ALG9: variants seen among roughly 807,000 people sequenced by gnomAD.
The protein encoded by ALG9 is ALG9 alpha-1,2-mannosyltransferase, also known as alpha-1,2-mannosyltransferase ALG9.
ALG9 carries 55 observed loss-of-function variants against 81.8 expected under a neutral mutation model. The observed-to-expected ratio is 0.67, with a 90% CI of 0.54 to 0.84. The LOEUF (loss-of-function observed/expected upper bound fraction) is 0.84. Ranked by LOEUF, ALG9 falls within the 40% of genes least tolerant of loss-of-function variation. The pLI is 0.00. For missense variants in ALG9, 629 were observed against 745.0 expected, an observed-to-expected ratio of 0.84 and a Z score of 1.81; for synonymous variants, 278 against 274.3, an observed-to-expected ratio of 1.01 and a Z score of -0.13.
rs190400504 is a variant in ALG9, at chr11:111,837,833, G to A, written c.1325-218C>T. Among the ~76,000 whole-genome samples, 86 of 152,206 alleles carry A rather than the reference G, an allele frequency of 5.7e-4. 1 individual carries two copies. The highest frequency in any genetic ancestry group is 1.9e-3 in the African/African-American group (80 of 41,514). On this transcript the variant is annotated intron_variant, in intron 11 of 14. Coordinates refer to ENST00000616540, the MANE Select transcript of ALG9 (RefSeq NM_024740.2). ...GGCCCTATTCTGCAAAAAATAATTG[G>A]CTTTCTTGCCCCTCTCTATGCTCCT... is the stretch of plus-strand genomic sequence containing the variant.
In ALG9 at chr11:111,857,635, GC is replaced by G; in HGVS notation, c.667del (p.Ala223LeufsTer3). ...SIAVLGVAAGAILGWPFSAAL... is the reference protein window; with the variant it reads ...SIAVLGVAAGXILGWPFSAAL... ...TGCACTGAATGGCCAGCCTAAGATA[GC>G]CCCAGCTGCTACTCCCAGCACAGCA... On this transcript the variant is annotated frameshift_variant, in exon 6 of 15. Transcript: ENST00000616540. LOFTEE classifies it high-confidence loss of function. 1 of 1,614,114 alleles carries G rather than the reference GC, an allele frequency of 6.2e-7. No homozygotes were observed. Among genetic ancestry groups the G allele is most frequent in the Non-Finnish European group, 8.5e-7 (1 of 1,180,016 alleles).
rs894882801 is a variant in ALG9 at position 111,868,579 on chromosome 11, C to T, written c.405+23G>A. ...CTCACCTCTTGATCAATTGTGATTGCTTCCAGGTTGGTCTGCCCTTACCTT... is the reference window on the plus strand; with the variant it reads ...CTCACCTCTTGATCAATTGTGATTGTTTCCAGGTTGGTCTGCCCTTACCTT... On this transcript the variant is annotated intron_variant, in intron 3 of 14. Coordinates refer to ENST00000616540, the MANE Select transcript of ALG9 (RefSeq NM_024740.2). The T allele has an allele frequency of 1.6e-5, 26 of 1,611,062 alleles. No homozygotes were observed. In the Admixed American group the frequency reaches 4.4e-4, roughly 27 times the overall value.
intron 13 of ALG9, among the ~76,000 whole-genome samples, chr11:111,812,888 G>T: frequency 7.5e-6 from 1 of 132,578 alleles, no homozygotes. Flanking sequence ...CTGCACTCCA[G>T]CCTGGTGACA....
At chr11:111,800,331 A>C (rs1591861506) in intron 14 of ALG9, among the ~76,000 whole-genome samples, 1 of 151,646 alleles carries the variant, frequency 6.6e-6, no homozygotes, top group East Asian at 1.9e-4. Context: ...AATACAAAAA[A>C]TCAGCCAGGC....
intron 3 of ALG9, among the ~76,000 whole-genome samples, chr11:111,867,418 G>A (rs1962854302): frequency 6.6e-6 from 1 of 152,090 alleles, no homozygotes; most frequent in Non-Finnish European, 1.5e-5. Flanking sequence ...TTTAAAGCGG[G>A]CTTTGTAAAA....
At chr11:111,780,656 C>A (rs1463299507), downstream of ALG9, among the ~76,000 whole-genome samples, 5 of 152,114 alleles carry the variant, frequency 3.3e-5, no homozygotes, top group Non-Finnish European at 5.9e-5. Context: ...CTCAGCCTCC[C>A]AAAGTGTTGG....
intron 6 of ALG9, among the ~76,000 whole-genome samples, chr11:111,857,066 C>G (rs971504243): frequency 1.3e-5 from 2 of 152,116 alleles, no homozygotes; most frequent in Non-Finnish European, 2.9e-5. Context: ...AACATCGTGC[C>G]ATTGCACTCC....
chr11:111,853,814 G>T, intron 6 of ALG9, 78 bp from the exon 7 acceptor site: 1 of 1,273,774 alleles, frequency 7.9e-7, no homozygotes, highest in Non-Finnish European at 1.1e-6. Flanking sequence ...ACCTCATGCT[G>T]AACTGAGAAT....
rs1214474581 is a variant in ALG9 at position 111,785,923 on chromosome 11, TAAG to T, written c.*471_*473del. 2 of 401,810 alleles carry T rather than the reference TAAG, an allele frequency of 5.0e-6. No homozygotes were observed. The highest frequency in any genetic ancestry group is 2.1e-5 in the African/African-American group (1 of 47,950). 24.9% of individuals were successfully genotyped at this position (401,810 alleles called of 1,614,324 possible). A position where few individuals can be genotyped will look rare whatever the true frequency, so the allele number is the denominator to read the frequency against. On this transcript the variant is annotated 3_prime_UTR_variant, in exon 15 of 15. Transcript: ENST00000616540. ...TTCATTTTCAGCATGAGGATTTCAA[TAAG>T]AAGGTCTGCTAGGAGCTGCCAAACA... is the stretch of plus-strand genomic sequence containing the variant.
intron 14 of ALG9, among the ~76,000 whole-genome samples, chr11:111,808,059 A>G (rs1476916528): frequency 6.6e-6 from 1 of 152,152 alleles, no homozygotes; most frequent in Admixed American, 6.5e-5. Context: ...ACAGAGTGAG[A>G]CTATCTCAAA....
At chr11:111,770,243 C>G in the ALG9 span, among the ~76,000 whole-genome samples, 3 of 152,116 alleles carry the variant, frequency 2.0e-5, no homozygotes, top group Non-Finnish European at 4.4e-5. Context: ...AATTAGAGTC[C>G]TTAAGAATGG....
Position 111,788,789 on chromosome 11 carries a change from C to A in ALG9, c.1734-2269G>T, listed in dbSNP as rs538517845. 4.0e-5 allele frequency among the ~76,000 whole-genome samples: 6 copies of A among 151,724 alleles called. No homozygotes were observed. The South Asian group carries it at 1.0e-3, about 26-fold the overall frequency. On this transcript the variant is annotated intron_variant, in intron 14 of 14. Coordinates refer to ENST00000616540, the MANE Select transcript of ALG9 (RefSeq NM_024740.2). ...AGTTACTCTTTTCATCTACACTGCA[C>A]AAATAAGGTGAAGGGTAAAGGGTAG...
At chr11:111,816,559 T>G (rs1380815049) in intron 13 of ALG9, among the ~76,000 whole-genome samples, 1 of 151,758 alleles carries the variant, frequency 6.6e-6, no homozygotes, top group Non-Finnish European at 1.5e-5. Context: ...TGGCCATTCT[T>G]TCTTTCTTTC....
Position 111,870,382 on chromosome 11 carries a change from C to CAAAAAAAAAAAA in ALG9, c.132-24_132-13dup, listed in dbSNP as rs60312459. 2.7e-5 allele frequency: 26 copies of CAAAAAAAAAAAA among 973,954 alleles called. 1 individual carries two copies. The highest frequency in any genetic ancestry group is 1.9e-4 in the South Asian group (8 of 42,902). 60.3% of individuals were successfully genotyped at this position (973,954 alleles called of 1,614,324 possible). A position where few individuals can be genotyped will look rare whatever the true frequency, so the allele number is the denominator to read the frequency against. The stretch of plus-strand genomic sequence containing the variant: ...TGTTCCCAGATAACCTGTTCAAAAG[C>CAAAAAAAAAAAA]AAAAAAAAAAAAAAAAAAAAAAGCA... On this transcript the variant is annotated splice_polypyrimidine_tract_variant and intron_variant, in intron 1 of 14. Transcript: ENST00000616540.
At chr11:111,795,976 T>A (rs1555075073) in intron 14 of ALG9, among the ~76,000 whole-genome samples, 2 of 152,212 alleles carry the variant, frequency 1.3e-5, no homozygotes. Flanking sequence ...AGGATGCCAA[T>A]GTTCGAGAGA....
intron 13 of ALG9, chr11:111,817,225 A>C (rs539264121): frequency 6.6e-6 from 1 of 152,330 alleles, no homozygotes; most frequent in Admixed American, 6.5e-5. Context: ...AAGATGATAA[A>C]AAACAGGGTC....
At chr11:111,819,520 A>G (rs781946872) in intron 13 of ALG9, among the ~76,000 whole-genome samples, 5 of 152,250 alleles carry the variant, frequency 3.3e-5, no homozygotes, top group Non-Finnish European at 7.3e-5. Context: ...ACTGCCCTGT[A>G]AACTCCTAGG....
chr11:111,857,158 T>C (rs1958831274), intron 6 of ALG9, among the ~76,000 whole-genome samples: 1 of 151,998 alleles, frequency 6.6e-6, no homozygotes, highest in South Asian at 2.1e-4. Flanking sequence ...GGGAGGAAAC[T>C]CAGATTTCAA....
At chr11:111,835,333 G>T (rs1010640188) in intron 13 of ALG9, among the ~76,000 whole-genome samples, 3 of 152,116 alleles carry the variant, frequency 2.0e-5, no homozygotes, top group Admixed American at 6.5e-5. Flanking sequence ...GATTTCACAG[G>T]TATCAAATGT....
Sources: allele counts gnomAD v4.1 joint callset (sites outside exome capture counted in the v4.1 genomes callset), GRCh38; gene constraint gnomAD v4.1.1; transcripts MANE v1.5; gene names NCBI Gene and HGNC (gene_info 2026-07-23, HGNC 2026-07-21).